The following GRIP2 variants were observed in gnomAD, a reference collection of about 807,000 sequenced individuals.
GRIP2 encodes the protein glutamate receptor interacting protein 2.
In GRIP2, 58 loss-of-function variants were observed where a neutral mutation model predicts 108.3. That is an observed-to-expected ratio of 0.54 (90% CI 0.43 to 0.67). The LOEUF is 0.67. Ranked by LOEUF, GRIP2 falls within the 30% of genes least tolerant of loss-of-function variation. The pLI, the probability that GRIP2 is intolerant of heterozygous loss-of-function variation, is 0.00. For synonymous variants in GRIP2, 586 were observed against 598.2 expected, an observed-to-expected ratio of 0.98 and a Z score of 0.30; for missense variants, 1,278 against 1,430.6, an observed-to-expected ratio of 0.89 and a Z score of 1.72.
intron 1 of GRIP2, among the ~76,000 whole-genome samples, chr3:14,535,090 CGGTGA>C (rs1050934534): frequency 2.0e-5 from 3 of 151,960 alleles, no homozygotes; most frequent in African/African-American, 7.3e-5. Flanking sequence ...TTTGCAGGGA[CGGTGA>C]GCTGTCGGCC....
chr3:14,520,380 T>G lies in GRIP2; in HGVS notation c.860+10A>C. ...ACCTCCATGGTGGCAGCACCCAGGGTGTGCCTTACCTGTCCACCACGCTGG... is the reference window on the plus strand; with the variant it reads ...ACCTCCATGGTGGCAGCACCCAGGGGGTGCCTTACCTGTCCACCACGCTGG... On this transcript the variant is annotated intron_variant, in intron 8 of 23. Transcript: ENST00000621039. 1 of 1,610,438 alleles carries G rather than the reference T, an allele frequency of 6.2e-7. No homozygotes were observed.
the GRIP2 span, among the ~76,000 whole-genome samples, chr3:14,586,112 T>A: frequency 2.0e-5 from 3 of 152,210 alleles, no homozygotes; most frequent in Admixed American, 1.3e-4. Context: ...TTTGCTCCTG[T>A]GGTTCCCTCT....
At chr3:14,527,524 G>A (rs1442599337) in intron 1 of GRIP2, among the ~76,000 whole-genome samples, 1 of 152,156 alleles carries the variant, frequency 6.6e-6, no homozygotes, top group East Asian at 1.9e-4. Context: ...GAAACACCCT[G>A]GGGGTGGGCT....
upstream of GRIP2, among the ~76,000 whole-genome samples, chr3:14,545,807 A>G (rs1451936825): frequency 6.6e-6 from 1 of 152,204 alleles, no homozygotes; most frequent in East Asian, 1.9e-4. Context: ...CTCTCTGGTT[A>G]CTTGTTCACT....
intron 9 of GRIP2, among the ~76,000 whole-genome samples, chr3:14,518,518 G>C (rs187134801): frequency 3.3e-5 from 5 of 152,228 alleles, no homozygotes; most frequent in Admixed American, 3.3e-4. Context: ...TTGCACTCCT[G>C]TTCCAAGTTC....
At chr3:14,571,230 A>G in the GRIP2 span, among the ~76,000 whole-genome samples, 2 of 152,086 alleles carry the variant, frequency 1.3e-5, no homozygotes, top group South Asian at 2.1e-4. Context: ...GTGCCTGGGC[A>G]TGTGTGTGCT....
chr3:14,601,111 G>A, the GRIP2 span, among the ~76,000 whole-genome samples: 2 of 151,830 alleles, frequency 1.3e-5, no homozygotes, highest in African/African-American at 4.8e-5. Context: ...CACGAGGCAG[G>A]GGGTGTCAAG....
chr3:14,555,812 G>T, intron 1 of GRIP2: 1 of 399,706 alleles, frequency 2.5e-6, no homozygotes, highest in Non-Finnish European at 4.4e-6. Context: ...GAGAGAGACG[G>T]GGAGGGAGAG....
At chr3:14,598,484 T>TACGTTG in the GRIP2 span, among the ~76,000 whole-genome samples, 11,162 of 152,120 alleles carry the variant, frequency 0.073, 489 homozygotes, top group Middle Eastern at 0.18. Context: ...TTTGGTTAAC[T>TACGTTG]ACGTTGACAG....
chr3:14,508,127 T>G (rs959510324), intron 17 of GRIP2, among the ~76,000 whole-genome samples: 1 of 152,236 alleles, frequency 6.6e-6, no homozygotes, highest in African/African-American at 2.4e-5. Flanking sequence ...CCTACTTCCC[T>G]CCAGCAGACA....
chr3:14,547,565 C>G (rs888378514), intron 1 of GRIP2, among the ~76,000 whole-genome samples: 4 of 152,210 alleles, frequency 2.6e-5, no homozygotes, highest in African/African-American at 4.8e-5. Context: ...CCTGAGGATG[C>G]TGCTGGAAGA....
intron 21 of GRIP2, among the ~76,000 whole-genome samples, chr3:14,503,117 T>C (rs1475927559): frequency 6.6e-6 from 1 of 152,220 alleles, no homozygotes; most frequent in Non-Finnish European, 1.5e-5. Flanking sequence ...TCGTCACTGA[T>C]GTCAACACTC....
chr3:14,574,873 G>A, the GRIP2 span: 1 of 303,082 alleles, frequency 3.3e-6, no homozygotes, highest in South Asian at 3.0e-5. Flanking sequence ...ACATCATGCT[G>A]AATGAAAAGG....
rs761653822 is a variant in GRIP2, at chr3:14,525,568, C to T, written c.126G>A (p.Glu42=). 3.7e-5 allele frequency: 60 copies of T among 1,613,678 alleles called. No individual in the cohort carries two copies. Among genetic ancestry groups the T allele is most frequent in the Non-Finnish European group, 5.1e-5 (60 of 1,179,870 alleles). Residue 42 remains glutamate, a synonymous_variant, in exon 3 of 24, where the codon GAG becomes GAA. Coordinates refer to ENST00000621039, the MANE Select transcript of GRIP2 (RefSeq NM_001080423.4). ...LACRRQSIPE[E]FRGITVVELI... ...GCTCCACCACAGTGATCCCTCGGAA[C>T]TCCTCTGCCAACAGATGGGGATGGG...
intron 1 of GRIP2, among the ~76,000 whole-genome samples, chr3:14,528,195 G>A (rs1694615118): frequency 6.6e-6 from 1 of 152,174 alleles, no homozygotes; most frequent in South Asian, 2.1e-4. Context: ...CTTACATTTA[G>A]CATAACCATT....
chr3:14,496,434 G>A lies in GRIP2; in HGVS notation c.2806C>T (p.Pro936Ser), dbSNP rs1229888876. 7 of 1,612,062 alleles carry A rather than the reference G, an allele frequency of 4.3e-6. No individual in the cohort carries two copies. The African/African-American group carries it at 6.7e-5, about 15-fold the overall frequency. ...GTGCCTACCTTGTGCATCTCCAAGG[G>A]TGTAGGCAGCAACAGCTCCTCCATT... ...AEMEELLLPT[P>S]LEMHKVTLHK... is the part of the protein sequence containing the mutation. Residue 936 changes from proline to serine, a missense_variant, in exon 22 of 24, where the codon CCC (proline) becomes TCC (serine). By Grantham distance (74) the Pro-to-Ser change is moderately conservative (BLOSUM62 -1). Transcript: ENST00000621039.
chr3:14,583,149 T>A, the GRIP2 span, among the ~76,000 whole-genome samples: 1 of 152,040 alleles, frequency 6.6e-6, no homozygotes, highest in Admixed American at 6.5e-5. Context: ...GCTCTGGGGG[T>A]GGCAGTTCCA....
At chr3:14,555,591 G>A (rs9838414) in intron 1 of GRIP2, among the ~76,000 whole-genome samples, 18,610 of 151,882 alleles carry the variant, frequency 0.12, 1,442 homozygotes, top group African/African-American at 0.22. Flanking sequence ...AGGCCAGACA[G>A]AGAGACAGCA....
Position 14,506,761 on chromosome 3 carries a change from G to C in GRIP2, c.2398+40C>G, listed in dbSNP as rs1214502390. On this transcript the variant is annotated intron_variant, in intron 19 of 23. Transcript: ENST00000621039. ...CAGGCCCAGCAGCAGGGGCGGCCTA[G>C]AGAGAGCGTGCCACTTGTCCAAGGG... 3.3e-6 allele frequency: 5 copies of C among 1,526,412 alleles called. No homozygotes were observed. The African/African-American group carries it at 6.9e-5, about 21-fold the overall frequency. The allele number at this position is 1,526,412 out of a possible 1,614,324, so 94.6% of individuals were successfully genotyped here.
Sources: allele counts gnomAD v4.1 joint callset (sites outside exome capture counted in the v4.1 genomes callset), GRCh38; gene constraint gnomAD v4.1.1; transcripts MANE v1.5; gene names NCBI Gene and HGNC (gene_info 2026-07-23, HGNC 2026-07-21).